The following GFPT1 variants were observed in gnomAD, a reference collection of about 807,000 sequenced individuals.
GFPT1 encodes glutamine--fructose-6-phosphate aminotransferase [isomerizing] 1.
Under a neutral mutation model 92.0 loss-of-function variants are expected in GFPT1, and 40 were observed. The observed-to-expected ratio is 0.43, with a 90% CI of 0.34 to 0.57. GFPT1 has a LOEUF of 0.57. Ranked by LOEUF, GFPT1 falls within the 20% of genes least tolerant of loss-of-function variation. The pLI, the probability that GFPT1 is intolerant of heterozygous loss-of-function variation, is 0.02. For synonymous variants in GFPT1, 269 were observed against 280.6 expected (o/e 0.96, Z 0.41); for missense variants, 448 against 869.1 (o/e 0.52, Z 6.09).
Position 69,354,519 on chromosome 2 carries a change from T to C in GFPT1, c.655A>G (p.Thr219Ala). 1 of 1,608,064 alleles carries C rather than the reference T, an allele frequency of 6.2e-7. No individual in the cohort carries two copies. Among genetic ancestry groups the C allele is most frequent in the Non-Finnish European group, 8.5e-7 (1 of 1,174,550 alleles). Residue 219 changes from threonine (T) to alanine (A), a missense_variant, in exon 8 of 20, where the codon ACT becomes GCT. By Grantham distance (58) the Thr-to-Ala change is moderately conservative. Around this residue, in one of 7 missense-constraint regions of GFPT1, gnomAD observed 118 missense variants for 192.9 expected, o/e 0.61. Transcript: ENST00000357308. ...IGVRSEHKLSTDHIPILYRTA... is the reference protein window; with the variant it reads ...IGVRSEHKLSADHIPILYRTA... ...CTGTAGAGTATAGGAATGTGATCAG[T>C]AGAAAGTTTATGTTCACTCCGTACA... is the stretch of plus-strand genomic sequence containing the variant.
intron 7 of GFPT1, among the ~76,000 whole-genome samples, chr2:69,354,792 A>G (rs116131739): frequency 6.6e-6 from 1 of 152,182 alleles, no homozygotes; most frequent in African/African-American, 2.4e-5. Context: ...CTAGGCAGGC[A>G]GATCACTTGA....
intron 3 of GFPT1, among the ~76,000 whole-genome samples, chr2:69,366,329 TA>T (rs1313656438): frequency 6.6e-6 from 1 of 152,184 alleles, no homozygotes; most frequent in Non-Finnish European, 1.5e-5. Flanking sequence ...TTTCTCATAA[TA>T]AATATTTCCT....
chr2:69,384,063 TA>T (rs1672069796), intron 1 of GFPT1, among the ~76,000 whole-genome samples: 1 of 151,844 alleles, frequency 6.6e-6, no homozygotes, highest in Non-Finnish European at 1.5e-5. Context: ...ATAATGCAAA[TA>T]AAAAGGACAA....
chr2:69,350,002 C>T (rs1036304752), intron 10 of GFPT1, 76 bp downstream of exon 10: 4 of 971,530 alleles, frequency 4.1e-6, no homozygotes, highest in African/African-American at 1.6e-5. Flanking sequence ...TAGACTGATA[C>T]ACAATGACTT....
At chr2:69,378,006 TAAAC>T (rs1671919231) in intron 1 of GFPT1, among the ~76,000 whole-genome samples, 1 of 152,212 alleles carries the variant, frequency 6.6e-6, no homozygotes, top group Non-Finnish European at 1.5e-5. Flanking sequence ...AAACTCCCAA[TAAAC>T]AGTTTTTTGT....
intron 1 of GFPT1, among the ~76,000 whole-genome samples, chr2:69,380,802 G>C (rs1407419629): frequency 6.6e-6 from 1 of 151,944 alleles, no homozygotes; most frequent in Non-Finnish European, 1.5e-5. Context: ...TATCCATTTC[G>C]GTCCACTTTC....
chr2:69,356,594 CAATT>C (rs1671344639), intron 6 of GFPT1, 37 bp from the exon 7 acceptor site: 1 of 1,481,028 alleles, frequency 6.8e-7, no homozygotes, highest in African/African-American at 1.4e-5. Context: ...ACTATTTAAT[CAATT>C]ATCAAGTCAG....
At chr2:69,370,528 C>T (rs1671720917) in intron 2 of GFPT1, among the ~76,000 whole-genome samples, 2 of 152,182 alleles carry the variant, frequency 1.3e-5, no homozygotes, top group South Asian at 4.1e-4. Context: ...AAAAGCTACC[C>T]TGAAGATACT....
At position 69,326,166 on chromosome 2, in the gene GFPT1, C is replaced by T. The variant is rs762924367; in HGVS notation, c.*23G>A. The T allele has an allele frequency of 2.1e-5, 32 of 1,506,414 alleles. No individual in the cohort carries two copies. Among genetic ancestry groups the T allele is most frequent in the South Asian group, 1.1e-4 (10 of 88,446 alleles). 93.3% of individuals were successfully genotyped at this position (1,506,414 alleles called of 1,614,324 possible). A position where few individuals can be genotyped will look rare whatever the true frequency, so the allele number is the denominator to read the frequency against. ...CTTGTGTTGCTTAATCATACAGTTT[C>T]GTACATTTTGTATAGATATTCCTCA... On this transcript the variant is annotated 3_prime_UTR_variant, in exon 20 of 20. Coordinates refer to ENST00000357308, the MANE Select transcript of GFPT1 (RefSeq NM_001244710.2).
At chr2:69,365,966 C>G (rs1025185159) in intron 3 of GFPT1, among the ~76,000 whole-genome samples, 5 of 152,260 alleles carry the variant, frequency 3.3e-5, no homozygotes, top group Non-Finnish European at 5.9e-5. Context: ...GCACGCACCA[C>G]CACGCCTGGC....
chr2:69,341,532 T>C lies in GFPT1; in HGVS notation c.1203+620A>G, dbSNP rs79496670. 7.0e-3 allele frequency among the ~76,000 whole-genome samples: 1,061 copies of C among 152,290 alleles called. 10 individuals carry two copies. The highest frequency in any genetic ancestry group is 0.024 in the African/African-American group (1,003 of 41,560). ...ATTGAATGTAAAGGTCTTCTGTTCATAACAGTTGACATCAGCAACACATAA... is the reference window on the plus strand; with the variant it reads ...ATTGAATGTAAAGGTCTTCTGTTCACAACAGTTGACATCAGCAACACATAA... On this transcript the variant is annotated intron_variant, in intron 13 of 19. Transcript: ENST00000357308.
At chr2:69,384,724 GAAAGA>G (rs1558790766) in intron 1 of GFPT1, among the ~76,000 whole-genome samples, 1 of 118,564 alleles carries the variant, frequency 8.4e-6, no homozygotes, top group African/African-American at 3.1e-5. Flanking sequence ...AAAAAAGAAA[GAAAGA>G]AAAGAAAGAA....
rs201268947 is a variant in GFPT1 at position 69,326,243 on chromosome 2, GAAA to G, written c.2056-13_2056-11del. The stretch of plus-strand genomic sequence containing the variant: ...TCCGTGGGAAATCAACCTGCAAAAA[GAAA>G]AAAAAAAAAAGCAAGATTTGAGAGA... On this transcript the variant is annotated splice_polypyrimidine_tract_variant and intron_variant, in intron 19 of 19. Transcript: ENST00000357308. 2.3e-4 allele frequency: 309 copies of G among 1,343,250 alleles called. No individual in the cohort carries two copies. The highest frequency in any genetic ancestry group is 6.7e-4 in the South Asian group (53 of 79,612). 83.2% of individuals were successfully genotyped at this position (1,343,250 alleles called of 1,614,324 possible). A position where few individuals can be genotyped will look rare whatever the true frequency, so the allele number is the denominator to read the frequency against.
intron 9 of GFPT1, among the ~76,000 whole-genome samples, chr2:69,352,224 T>C (rs561649437): frequency 1.3e-5 from 2 of 151,478 alleles, no homozygotes; most frequent in Admixed American, 6.6e-5. Flanking sequence ...GATTGTGCCA[T>C]TGCACTCCAG....
At chr2:69,354,383 G>C in intron 8 of GFPT1, 71 bp from the exon 9 acceptor site, 1 of 1,375,790 alleles carries the variant, frequency 7.3e-7, no homozygotes, top group Middle Eastern at 1.8e-4. Flanking sequence ...TTCATGTCTA[G>C]ACAGAACTAT....
rs1670547454 is a variant in GFPT1 at position 69,327,038 on chromosome 2, T to A, written c.1931A>T (p.Glu644Val). ...CGTTCTTTTTGTGTTCTTAATGGTCTCAGTATCCTCCTTATCACAAATTAC... is the reference window on the plus strand; with the variant it reads ...CGTTCTTTTTGTGTTCTTAATGGTCACAGTATCCTCCTTATCACAAATTAC... ...PVVICDKEDT[E>V]TIKNTKRTIK... is the part of the protein sequence containing the mutation. The change falls in exon 19 of 20, where the codon GAG becomes GTG. Residue 644 changes from glutamate to valine, a missense_variant. By Grantham distance (121) the Glu-to-Val change is moderately radical. Around this residue, in one of 7 missense-constraint regions of GFPT1, gnomAD observed 55 missense variants for 98.8 expected, o/e 0.56. Coordinates refer to ENST00000357308, the MANE Select transcript of GFPT1 (RefSeq NM_001244710.2). 1 of 1,614,132 alleles carries A rather than the reference T, an allele frequency of 6.2e-7. No individual in the cohort carries two copies. Among genetic ancestry groups the A allele is most frequent in the Admixed American group, 1.7e-5 (1 of 60,022 alleles).
rs1670581423 is a variant in GFPT1 at position 69,328,322 on chromosome 2, A to G, written c.1842T>C (p.Asp614=). Residue 614 remains aspartate, a synonymous_variant, in exon 18 of 20, where the codon GAT becomes GAC. Coordinates refer to ENST00000357308, the MANE Select transcript of GFPT1 (RefSeq NM_001244710.2). ...LMPVIMIIMR[D]HTYAKCQNAL... ...CATTCTGACACTTGGCATAAGTGTG[A>G]TCTCTCATGATGATCATGATCACAG... The G allele has an allele frequency of 6.2e-7, 1 of 1,613,760 alleles. No individual in the cohort carries two copies. Among genetic ancestry groups the G allele is most frequent in the African/African-American group, 1.3e-5 (1 of 74,910 alleles).
At chr2:69,344,186 C>CAAAAAAAAAAAAAAAAAAAAAAAA (rs10602884) in intron 12 of GFPT1, among the ~76,000 whole-genome samples, 1 of 64,520 alleles carries the variant, frequency 1.5e-5, no homozygotes, top group Non-Finnish European at 2.8e-5. Flanking sequence ...AAAAGCAAAG[C>CAAAAAAAAAAAAAAAAAAAAAAAA]AAAAAAAAAA....
chr2:69,329,841 T>C, intron 15 of GFPT1, 43 bp from the exon 16 acceptor site: 1 of 969,838 alleles, frequency 1.0e-6, no homozygotes, highest in East Asian at 2.4e-5. Context: ...TGCAGCTGCA[T>C]CTGAAGAATT....
Sources: gnomAD v4.1 joint callset for allele counts (sites outside exome capture counted in the v4.1 genomes callset) on GRCh38, gnomAD v4.1.1 for gene constraint, gnomAD v4.1.1 regional missense constraint, MANE v1.5 for transcripts, NCBI Gene and HGNC (gene_info 2026-07-23, HGNC 2026-07-21) for gene names.